Variants in CSMD1 observed in about 807,000 individuals in gnomAD.
CSMD1 encodes the protein CUB and sushi domain-containing protein 1.
Under a neutral mutation model 417.5 loss-of-function variants are expected in CSMD1, and 213 were observed. The observed-to-expected ratio is 0.51, with a 90% CI of 0.46 to 0.57. The LOEUF is 0.57. CSMD1 is among the 20% of genes least tolerant of loss of function. The pLI is 0.00. For missense variants in CSMD1, 6,923 were observed against 4,529.7 expected (o/e 1.53, Z -15.17); for synonymous variants, 2,862 against 1,736.8 (o/e 1.65, Z -16.11).
intron 5 of CSMD1, among the ~76,000 whole-genome samples, chr8:3,981,021 T>TA (rs1256736180): frequency 1.3e-5 from 2 of 152,202 alleles, no homozygotes; most frequent in Non-Finnish European, 2.9e-5. Context: ...AAGGTTCAAC[T>TA]ATCCTGTAGT....
intron 3 of CSMD1, among the ~76,000 whole-genome samples, chr8:4,362,055 C>G (rs1025399894): frequency 1.3e-5 from 2 of 151,978 alleles, no homozygotes; most frequent in Non-Finnish European, 2.9e-5. Flanking sequence ...CATAAGGAAC[C>G]TGTGAAAATA....
At chr8:4,139,425 A>AGGAGAGCC (rs1803640465) in intron 3 of CSMD1, among the ~76,000 whole-genome samples, 3 of 151,454 alleles carry the variant, frequency 2.0e-5, no homozygotes, top group African/African-American at 7.4e-5. Context: ...ACTGGAGGTA[A>AGGAGAGCC]AGAACGAAGG....
At chr8:4,767,370 G>A (rs115970707) in intron 1 of CSMD1, among the ~76,000 whole-genome samples, 334 of 152,216 alleles carry the variant, frequency 2.2e-3, no homozygotes, top group African/African-American at 7.4e-3. Flanking sequence ...TTGCCTTTAC[G>A]AAACATAATC....
At chr8:3,128,258 T>C (rs1359458766) in intron 41 of CSMD1, 1 of 152,364 alleles carries the variant, frequency 6.6e-6, no homozygotes, top group Non-Finnish European at 1.5e-5. Flanking sequence ...AATGTCTATT[T>C]TCCCGCTAAT....
In CSMD1 at chr8:3,776,909, C is replaced by A. The variant is rs147991906; in HGVS notation, c.819-22867G>T. 4.9e-3 allele frequency among the ~76,000 whole-genome samples: 748 copies of A among 151,616 alleles called. 3 individuals are homozygous for A. The highest frequency in any genetic ancestry group is 8.3e-3 in the Non-Finnish European group (566 of 67,938). On this transcript the variant is annotated intron_variant, in intron 5 of 69. Coordinates refer to ENST00000635120, the MANE Select transcript of CSMD1 (RefSeq NM_033225.6). Reference sequence around the variant, plus strand: ...TTTGTATTTTTTGCAGAGACGGGGTCTCACCATGTTGCCCAGCCTGGTCTC... The same window carrying A: ...TTTGTATTTTTTGCAGAGACGGGGTATCACCATGTTGCCCAGCCTGGTCTC...
At chr8:4,102,571 C>T (rs573173248) in intron 3 of CSMD1, among the ~76,000 whole-genome samples, 2 of 149,922 alleles carry the variant, frequency 1.3e-5, no homozygotes, top group Non-Finnish European at 1.5e-5. Flanking sequence ...GGCTGACTCC[C>T]AGGCTGAAAT....
chr8:3,406,474 T>C (rs182569216), intron 14 of CSMD1, among the ~76,000 whole-genome samples: 161 of 152,262 alleles, frequency 1.1e-3, no homozygotes, highest in Non-Finnish European at 1.8e-3. Flanking sequence ...TGAAAAGCAC[T>C]TTTCATAGGA....
chr8:4,890,196 C>G (rs1585271487), intron 1 of CSMD1, among the ~76,000 whole-genome samples: 1 of 152,238 alleles, frequency 6.6e-6, no homozygotes, highest in Admixed American at 6.5e-5. Flanking sequence ...GTCAATATCT[C>G]ATAAACACAC....
intron 1 of CSMD1, among the ~76,000 whole-genome samples, chr8:4,657,434 C>T (rs1243216411): frequency 6.6e-6 from 1 of 152,084 alleles, no homozygotes; most frequent in African/African-American, 2.4e-5. Context: ...GTCTCTCTTT[C>T]TCACTCACGC....
At chr8:3,887,930 G>T (rs1054234539) in intron 5 of CSMD1, among the ~76,000 whole-genome samples, 4 of 152,228 alleles carry the variant, frequency 2.6e-5, no homozygotes, top group South Asian at 2.1e-4. Flanking sequence ...ATCAGGAAAA[G>T]AATACTTTCA....
chr8:4,037,517 T>C (rs1401614461), intron 3 of CSMD1, among the ~76,000 whole-genome samples: 2 of 152,244 alleles, frequency 1.3e-5, no homozygotes, highest in African/African-American at 4.8e-5. Context: ...TGACACTTAA[T>C]TTTAGAAGAA....
intron 1 of CSMD1, among the ~76,000 whole-genome samples, chr8:4,770,643 G>A (rs1342509088): frequency 6.6e-6 from 1 of 151,972 alleles, no homozygotes; most frequent in African/African-American, 2.4e-5. Context: ...AGAATAGAGA[G>A]CTGAAATAAA....
At chr8:3,531,767 G>A (rs1423806450) in intron 10 of CSMD1, among the ~76,000 whole-genome samples, 1 of 152,244 alleles carries the variant, frequency 6.6e-6, no homozygotes. Context: ...CAGCCTGGAA[G>A]ATCGGGCTGC....
intron 10 of CSMD1, among the ~76,000 whole-genome samples, chr8:3,570,526 T>A (rs1799899735): frequency 6.7e-6 from 1 of 150,212 alleles, no homozygotes; most frequent in Non-Finnish European, 1.5e-5. Flanking sequence ...GCAGACGTCT[T>A]GAGAACTGAG....
At position 4,190,100 on chromosome 8, in the gene CSMD1, A is replaced by T. The variant is rs1014823873; in HGVS notation, c.416-158001T>A. 1.5e-4 allele frequency among the ~76,000 whole-genome samples: 23 copies of T among 151,892 alleles called. 1 individual carries two copies. Among genetic ancestry groups the T allele is most frequent in the African/African-American group, 4.4e-4 (18 of 41,320 alleles). Reference sequence around the variant, plus strand: ...GGTGAAACCCCATCTCTACTAAAAAATACAAAAAATGAGCCGGGCGTGGTG... The same window carrying T: ...GGTGAAACCCCATCTCTACTAAAAATTACAAAAAATGAGCCGGGCGTGGTG... On this transcript the variant is annotated intron_variant, in intron 3 of 69. Transcript: ENST00000635120.
At chr8:4,275,491 G>A (rs927177961) in intron 3 of CSMD1, among the ~76,000 whole-genome samples, 1 of 123,658 alleles carries the variant, frequency 8.1e-6, no homozygotes, top group African/African-American at 3.0e-5. Context: ...CGTAGAGGGA[G>A]TGATAGGAAA....
chr8:3,289,264 G>A (rs1334427989), intron 25 of CSMD1, among the ~76,000 whole-genome samples: 1 of 147,168 alleles, frequency 6.8e-6, no homozygotes, highest in Non-Finnish European at 1.5e-5. Flanking sequence ...CTTTGCTATT[G>A]TGAATAGTGC....
chr8:3,797,835 G>A (rs2623634), intron 5 of CSMD1, among the ~76,000 whole-genome samples: 6 of 151,742 alleles, frequency 4.0e-5, no homozygotes, highest in Non-Finnish European at 8.8e-5. Context: ...AAGCACTAAC[G>A]ATTGTTCTAA....
intron 1 of CSMD1, among the ~76,000 whole-genome samples, chr8:4,696,037 A>G (rs1807106981): frequency 6.6e-6 from 1 of 152,234 alleles, no homozygotes; most frequent in Admixed American, 6.5e-5. Flanking sequence ...TGAGGAACTT[A>G]CAGAATCTCT....
Sources: gnomAD v4.1 joint callset for allele counts (sites outside exome capture counted in the v4.1 genomes callset) on GRCh38, gnomAD v4.1.1 for gene constraint, MANE v1.5 for transcripts, NCBI Gene and HGNC (gene_info 2026-07-23, HGNC 2026-07-21) for gene names.